Variants in CALN1 observed in about 807,000 individuals in gnomAD.
CALN1 encodes calneuron 1.
A neutral mutation model predicts 30.6 loss-of-function variants in CALN1; 17 were observed. The observed-to-expected ratio is 0.56, with a 90% CI of 0.38 to 0.83. The LOEUF is 0.83. Ranked by LOEUF, CALN1 falls within the 40% of genes least tolerant of loss-of-function variation. The probability of loss-of-function intolerance (pLI) is 0.00; values close to 1 mark genes in which losing one functional copy is unlikely to be tolerated. For synonymous variants in CALN1, 156 were observed against 131.4 expected (o/e 1.19, Z -1.28); for missense variants, 291 against 354.9 (o/e 0.82, Z 1.45).
chr7:72,463,148 G>A, the CALN1 span, among the ~76,000 whole-genome samples: 1 of 152,102 alleles, frequency 6.6e-6, no homozygotes, highest in Non-Finnish European at 1.5e-5. Flanking sequence ...GTGAGACAGG[G>A]TCTTGCTCTG....
intron 5 of CALN1, among the ~76,000 whole-genome samples, chr7:71,843,641 AC>A (rs746950605): frequency 3.3e-5 from 5 of 152,026 alleles, no homozygotes; most frequent in Non-Finnish European, 7.4e-5. Flanking sequence ...AAACAAACAA[AC>A]AAAACCAGAG....
At chr7:72,064,959 T>G (rs1023877806) in intron 4 of CALN1, among the ~76,000 whole-genome samples, 8 of 151,830 alleles carry the variant, frequency 5.3e-5, no homozygotes, top group African/African-American at 9.7e-5. Context: ...TGCAGAAACA[T>G]AGCTGCAGTG....
chr7:72,464,080 AAAAG>A, the CALN1 span, among the ~76,000 whole-genome samples: 43,188 of 150,136 alleles, frequency 0.29, 7,363 homozygotes, highest in African/African-American at 0.47. Flanking sequence ...AGAAGAAAGA[AAAAG>A]AAAGAAAGAA....
intron 2 of CALN1, among the ~76,000 whole-genome samples, chr7:72,308,181 T>C (rs1799780146): frequency 6.6e-6 from 1 of 152,062 alleles, no homozygotes; most frequent in South Asian, 2.1e-4. Flanking sequence ...CCCGCCAACA[T>C]GGCAAAACCT....
At chr7:72,092,264 T>G (rs1805915824) in intron 4 of CALN1, among the ~76,000 whole-genome samples, 1 of 152,200 alleles carries the variant, frequency 6.6e-6, no homozygotes, top group Non-Finnish European at 1.5e-5. Flanking sequence ...CTTTTGTTAT[T>G]AATTTCTCGT....
upstream of CALN1, among the ~76,000 whole-genome samples, chr7:72,448,905 G>A (rs560845202): frequency 1.1e-4 from 16 of 151,944 alleles, no homozygotes; most frequent in South Asian, 8.3e-4. Context: ...GCACCCGGCC[G>A]CATGATCTTT....
chr7:72,385,624 T>C (rs1054417660), intron 2 of CALN1, among the ~76,000 whole-genome samples: 1 of 152,182 alleles, frequency 6.6e-6, no homozygotes, highest in Non-Finnish European at 1.5e-5. Flanking sequence ...CCCCACCCAA[T>C]GCTCATCTGG....
At chr7:72,233,383 A>C (rs1367475582) in intron 3 of CALN1, among the ~76,000 whole-genome samples, 1 of 151,920 alleles carries the variant, frequency 6.6e-6, no homozygotes, top group African/African-American at 2.4e-5. Flanking sequence ...CTAAGGGGAG[A>C]AGAGAAGGCA....
At chr7:71,858,398 G>A (rs965218296) in intron 5 of CALN1, among the ~76,000 whole-genome samples, 2 of 151,878 alleles carry the variant, frequency 1.3e-5, no homozygotes, top group African/African-American at 2.4e-5. Context: ...ACAGACTAAT[G>A]CAACTCCCAA....
At chr7:72,133,418 A>G (rs1318373990) in intron 3 of CALN1, among the ~76,000 whole-genome samples, 3 of 152,260 alleles carry the variant, frequency 2.0e-5, no homozygotes, top group African/African-American at 7.2e-5. Flanking sequence ...GAATGAATGA[A>G]TAAGACAAGG....
chr7:71,787,973 C>T lies in CALN1; in HGVS notation c.659-71G>A, dbSNP rs1228983171. ...GAGAAGAGAGAAGAGAGAAATAACA[C>T]AGTGAGATAGGTTGCAACTCTTCCT... On this transcript the variant is annotated intron_variant, in intron 6 of 6. Transcript: ENST00000395275. 1.9e-6 allele frequency: 3 copies of T among 1,600,422 alleles called. No individual in the cohort carries two copies. The African/African-American group carries it at 4.0e-5, about 21-fold the overall frequency.
chr7:72,080,051 G>A (rs1379333710), intron 4 of CALN1, among the ~76,000 whole-genome samples: 6 of 152,022 alleles, frequency 3.9e-5, no homozygotes, highest in East Asian at 1.9e-4. Context: ...GATTACAGGC[G>A]TAAGCCACCG....
chr7:71,857,012 A>ATGTATGTG (rs879742771), intron 5 of CALN1, among the ~76,000 whole-genome samples: 2,022 of 123,090 alleles, frequency 0.016, 15 homozygotes, highest in African/African-American at 0.026. Flanking sequence ...TGGTGTGTAT[A>ATGTATGTG]TGTATGTGTG....
Position 71,946,041 on chromosome 7 carries a change from C to T in CALN1, c.501+77616G>A, listed in dbSNP as rs1416194486. Among the ~76,000 whole-genome samples the T allele has an allele frequency of 2.6e-5, 4 of 152,236 alleles. No homozygotes were observed. The South Asian group carries it at 6.2e-4, about 24-fold the overall frequency. ...CTCAGCAGAGGCATGGGGTGAGGGCCGCTTTAGGGACTGCATCTGGTGGAA... is the reference window on the plus strand; with the variant it reads ...CTCAGCAGAGGCATGGGGTGAGGGCTGCTTTAGGGACTGCATCTGGTGGAA... On this transcript the variant is annotated intron_variant, in intron 5 of 6. Transcript: ENST00000395275.
rs115842713 is a variant in CALN1 at position 72,321,494 on chromosome 7, A to G, written c.120-42684T>C. On this transcript the variant is annotated intron_variant, in intron 2 of 6. Transcript: ENST00000395275. ...CTATGGGTTTCAACGACAGGAGACA[A>G]TATTTTGGGCGAAAATCGTAAACGT... 9.3e-4 allele frequency among the ~76,000 whole-genome samples: 141 copies of G among 152,328 alleles called. 1 individual carries two copies. The highest frequency in any genetic ancestry group is 3.3e-3 in the African/African-American group (136 of 41,578).
chr7:72,449,387 C>T (rs1171311410), upstream of CALN1, among the ~76,000 whole-genome samples: 1 of 152,180 alleles, frequency 6.6e-6, no homozygotes, highest in Non-Finnish European at 1.5e-5. Context: ...CAGATCCTAG[C>T]CACTTCTCTA....
chr7:72,398,678 G>A (rs1562947940), intron 2 of CALN1, among the ~76,000 whole-genome samples: 1 of 152,186 alleles, frequency 6.6e-6, no homozygotes, highest in African/African-American at 2.4e-5. Flanking sequence ...TCATAGTCTG[G>A]ACAAGAAGTA....
At chr7:72,352,113 G>C (rs1802951499) in intron 2 of CALN1, among the ~76,000 whole-genome samples, 3 of 152,192 alleles carry the variant, frequency 2.0e-5, no homozygotes, top group African/African-American at 4.8e-5. Context: ...GTTGCAGTGA[G>C]CTGGGATTGC....
intron 3 of CALN1, among the ~76,000 whole-genome samples, chr7:72,153,056 C>T (rs1244397383): frequency 6.6e-6 from 1 of 152,218 alleles, no homozygotes; most frequent in Non-Finnish European, 1.5e-5. Flanking sequence ...TGGGCTCCCC[C>T]GGCTACCAGA....
Sources: gnomAD v4.1 joint callset for allele counts (sites outside exome capture counted in the v4.1 genomes callset) on GRCh38, gnomAD v4.1.1 for gene constraint, MANE v1.5 for transcripts, NCBI Gene and HGNC (gene_info 2026-07-23, HGNC 2026-07-21) for gene names.